PDE7B: variants seen among roughly 807,000 people sequenced by gnomAD.
PDE7B encodes the protein 3',5'-cyclic-AMP phosphodiesterase 7B.
PDE7B carries 29 observed loss-of-function variants against 56.2 expected under a neutral mutation model. The observed-to-expected ratio is 0.52, with a 90% CI of 0.38 to 0.70. The LOEUF (loss-of-function observed/expected upper bound fraction) is 0.70. Among genes scored for constraint, PDE7B ranks in the 30% least tolerant of loss-of-function variants. The probability of loss-of-function intolerance (pLI) is 0.00; values close to 1 mark genes in which losing one functional copy is unlikely to be tolerated. For synonymous variants in PDE7B, 197 were observed against 196.9 expected (o/e 1.00, Z 0.00); for missense variants, 490 against 565.0 (o/e 0.87, Z 1.35).
In PDE7B at chr6:135,935,034, TTCTC is replaced by T. The variant is rs1387048331; in HGVS notation, c.22-12428_22-12425del. Among the ~76,000 whole-genome samples, 34 of 70,838 alleles carry T rather than the reference TTCTC, an allele frequency of 4.8e-4. 1 individual carries two copies. Among genetic ancestry groups the T allele is most frequent in the African/African-American group, 6.8e-4 (11 of 16,170 alleles). 46.5% of individuals were successfully genotyped at this position (70,838 alleles called of 152,430 possible). ...ATATAAATAAATATATAATATATATTTCTCTATATATTTTATATAGAGATGAAGT... is the reference window on the plus strand; with the variant it reads ...ATATAAATAAATATATAATATATATTTATATATTTTATATAGAGATGAAGT... On this transcript the variant is annotated intron_variant, in intron 1 of 12. Coordinates refer to ENST00000308191, the MANE Select transcript of PDE7B (RefSeq NM_018945.4).
intron 2 of PDE7B, among the ~76,000 whole-genome samples, chr6:135,978,704 T>TTC (rs1775236516): frequency 6.6e-6 from 1 of 152,126 alleles, no homozygotes; most frequent in African/African-American, 2.4e-5. Context: ...AAACTTGTGT[T>TTC]AAAAACCGAG....
At chr6:136,183,072 CAA>C (rs869296450) in intron 11 of PDE7B, among the ~76,000 whole-genome samples, 28 of 50,510 alleles carry the variant, frequency 5.5e-4, no homozygotes, top group Non-Finnish European at 7.0e-4. Flanking sequence ...ACTCCGTCTC[CAA>C]AAAAAAAAAA....
chr6:136,098,035 C>A (rs1027307511), intron 2 of PDE7B: 2 of 148,970 alleles, frequency 1.3e-5, no homozygotes, highest in African/African-American at 4.9e-5. Context: ...GCTCTCAGAT[C>A]AAACATCACC....
At chr6:136,133,793 A>G (rs1174192959) in intron 3 of PDE7B, among the ~76,000 whole-genome samples, 1 of 152,148 alleles carries the variant, frequency 6.6e-6, no homozygotes, top group African/African-American at 2.4e-5. Flanking sequence ...CCAGGAGCCC[A>G]GGAGGAAATA....
At chr6:136,165,705 A>G (rs936798768) in intron 8 of PDE7B, 1 of 152,186 alleles carries the variant, frequency 6.6e-6, no homozygotes, top group Admixed American at 6.5e-5. Flanking sequence ...GGGAAAAGCA[A>G]AAGAAACCTC....
intron 2 of PDE7B, among the ~76,000 whole-genome samples, chr6:136,059,564 T>C (rs1310585907): frequency 2.0e-5 from 3 of 152,148 alleles, no homozygotes. Context: ...ATGACAACTT[T>C]GGCAAGGAGG....
chr6:136,191,938 G>A lies in PDE7B; in HGVS notation c.*98G>A. The A allele has an allele frequency of 1.1e-6, 1 of 900,188 alleles. No individual in the cohort carries two copies. The highest frequency in any genetic ancestry group is 1.7e-6 in the Non-Finnish European group (1 of 586,762). 55.8% of individuals were successfully genotyped at this position (900,188 alleles called of 1,614,324 possible). On this transcript the variant is annotated 3_prime_UTR_variant, in exon 13 of 13. Coordinates refer to ENST00000308191, the MANE Select transcript of PDE7B (RefSeq NM_018945.4). ...TCACGCAGCAGCCCAGCCACTTTCT[G>A]AGTGTTGTCCTGGGGCTCTTTGGAA...
chr6:135,964,799 G>T (rs1774963087), intron 2 of PDE7B, among the ~76,000 whole-genome samples: 2 of 152,154 alleles, frequency 1.3e-5, no homozygotes, highest in Admixed American at 1.3e-4. Context: ...GTAGGATGTG[G>T]GGGTGCAGTA....
intron 3 of PDE7B, among the ~76,000 whole-genome samples, chr6:136,136,584 A>G (rs924529753): frequency 1.1e-4 from 16 of 152,204 alleles, no homozygotes; most frequent in African/African-American, 3.9e-4. Flanking sequence ...TCTTTGTAAC[A>G]GAAAGGATGA....
At chr6:136,137,733 G>C (rs1000662148) in intron 3 of PDE7B, among the ~76,000 whole-genome samples, 3 of 151,910 alleles carry the variant, frequency 2.0e-5, no homozygotes, top group Non-Finnish European at 4.4e-5. Context: ...CATAAAGAAG[G>C]TACTCAAAAA....
chr6:136,067,926 C>G (rs1776973920), intron 2 of PDE7B, among the ~76,000 whole-genome samples: 8 of 152,136 alleles, frequency 5.3e-5, no homozygotes, highest in Non-Finnish European at 1.5e-5. Flanking sequence ...AAACAATGAT[C>G]TAATTAATTT....
chr6:136,071,703 G>A (rs1473332271), intron 2 of PDE7B, among the ~76,000 whole-genome samples: 1 of 152,128 alleles, frequency 6.6e-6, no homozygotes, highest in Non-Finnish European at 1.5e-5. Flanking sequence ...TAAGGTGGGA[G>A]GATCGCTTGA....
At chr6:136,111,058 T>G (rs888672189) in intron 3 of PDE7B, 6 of 152,288 alleles carry the variant, frequency 3.9e-5, no homozygotes, top group Non-Finnish European at 7.3e-5. Flanking sequence ...TAGGGTCTCC[T>G]CAGCATTCCA....
chr6:135,981,611 A>G (rs1775298342), intron 2 of PDE7B, among the ~76,000 whole-genome samples: 2 of 150,436 alleles, frequency 1.3e-5, no homozygotes, highest in South Asian at 4.2e-4. Context: ...CCTAGGGTCA[A>G]GATGATCAAT....
chr6:135,909,180 A>G (rs958651835), intron 1 of PDE7B, among the ~76,000 whole-genome samples: 2 of 152,162 alleles, frequency 1.3e-5, no homozygotes, highest in Non-Finnish European at 2.9e-5. Context: ...AAAAGAAAAA[A>G]AAATTCGGAG....
chr6:135,935,038 CTATA>C (rs1369299011), intron 1 of PDE7B, among the ~76,000 whole-genome samples: 1 of 59,564 alleles, frequency 1.7e-5, no homozygotes, highest in Non-Finnish European at 2.8e-5. Flanking sequence ...ATATATTTCT[CTATA>C]TATTTTATAT....
In PDE7B at chr6:135,887,356, G is replaced by A. The variant is rs143204638; in HGVS notation, c.21+35337G>A. 9.9e-4 allele frequency among the ~76,000 whole-genome samples: 150 copies of A among 152,234 alleles called. 1 individual carries two copies. The highest frequency in any genetic ancestry group is 3.4e-3 in the African/African-American group (142 of 41,556). On this transcript the variant is annotated intron_variant, in intron 1 of 12. Coordinates refer to ENST00000308191, the MANE Select transcript of PDE7B (RefSeq NM_018945.4). ...TGTTAGAGGCTGGAGATATAACAAT[G>A]AGTCTTGCTTTCAGTACTTTATAAT...
chr6:136,159,978 A>G (rs1778675917), intron 8 of PDE7B, among the ~76,000 whole-genome samples: 1 of 152,240 alleles, frequency 6.6e-6, no homozygotes, highest in African/African-American at 2.4e-5. Flanking sequence ...ATTAGCAAAC[A>G]AAGGGATTGT....
chr6:135,913,528 A>G (rs1325355149), intron 1 of PDE7B, among the ~76,000 whole-genome samples: 1 of 152,160 alleles, frequency 6.6e-6, no homozygotes, highest in African/African-American at 2.4e-5. Flanking sequence ...CCAGTCTTCC[A>G]TTTGAAATGA....
Sources: gnomAD v4.1 joint callset for allele counts (sites outside exome capture counted in the v4.1 genomes callset) on GRCh38, gnomAD v4.1.1 for gene constraint, MANE v1.5 for transcripts, NCBI Gene and HGNC (gene_info 2026-07-23, HGNC 2026-07-21) for gene names.